Variants in CFAP47 observed in about 807,000 individuals in gnomAD.
CFAP47 encodes the protein cilia- and flagella-associated protein 47.
Under a neutral mutation model 148.1 loss-of-function variants are expected in CFAP47, and 29 were observed. The ratio of observed to expected loss-of-function variants is 0.20; its 90% CI spans 0.15 to 0.27. The LOEUF (loss-of-function observed/expected upper bound fraction) is 0.27, where lower values mean the gene tolerates loss of function less well. Ranked by LOEUF, CFAP47 falls within the 10% of genes least tolerant of loss-of-function variation. The pLI is 1.00. For missense variants in CFAP47, 1,872 were observed against 1,697.5 expected (o/e 1.10, Z -1.81); for synonymous variants, 664 against 577.3 (o/e 1.15, Z -2.15).
chrX:36,162,868 T>C (rs1939447037), intron 39 of CFAP47, among the ~76,000 whole-genome samples: 1 of 112,196 alleles, frequency 8.9e-6, no homozygotes, highest in African/African-American at 3.2e-5. Flanking sequence ...AATAGTGTAA[T>C]TGCCTTTTTC....
At chrX:36,227,931 G>C (rs1405692640) in intron 45 of CFAP47, among the ~76,000 whole-genome samples, 1 of 112,093 alleles carries the variant, frequency 8.9e-6, no homozygotes, top group African/African-American at 3.2e-5. Flanking sequence ...TGAAAGGAAA[G>C]AATGAGAATA....
intron 49 of CFAP47, among the ~76,000 whole-genome samples, chrX:36,261,151 A>T: frequency 1.1e-5 from 1 of 95,039 alleles, no homozygotes; most frequent in Admixed American, 1.2e-4. Flanking sequence ...TCCTTTTGCA[A>T]GTAATTTATT....
chrX:36,058,933 A>G (rs1347439709), intron 26 of CFAP47, among the ~76,000 whole-genome samples: 1 of 112,294 alleles, frequency 8.9e-6, no homozygotes, highest in African/African-American at 3.2e-5. Context: ...CTAATTTATA[A>G]TCAACAAATA....
intron 8 of CFAP47, among the ~76,000 whole-genome samples, chrX:35,959,309 T>C (rs1171239651): frequency 8.9e-6 from 1 of 112,274 alleles, no homozygotes; most frequent in Non-Finnish European, 1.9e-5. Flanking sequence ...TCACAAATAT[T>C]GTATTCCATC....
At chrX:36,019,640 C>A (rs377217284) in intron 22 of CFAP47, among the ~76,000 whole-genome samples, 105 of 111,622 alleles carry the variant, frequency 9.4e-4, no homozygotes, top group African/African-American at 3.3e-3. Flanking sequence ...CTGACTGAAC[C>A]CCAACATGGT....
intron 61 of CFAP47, among the ~76,000 whole-genome samples, chrX:36,366,604 G>T (rs1441987618): frequency 9.0e-6 from 1 of 110,524 alleles, no homozygotes; most frequent in African/African-American, 3.3e-5. Context: ...TATAAAACAT[G>T]GGTCTATTTT....
intron 39 of CFAP47, among the ~76,000 whole-genome samples, chrX:36,175,766 C>T (rs1283249232): frequency 8.8e-6 from 1 of 113,060 alleles, no homozygotes; most frequent in Non-Finnish European, 1.9e-5. Context: ...TGTCTGTGCC[C>T]TGCCCCCAGA....
At chrX:36,170,001 A>G in intron 39 of CFAP47, among the ~76,000 whole-genome samples, 1 of 111,904 alleles carries the variant, frequency 8.9e-6, no homozygotes, top group East Asian at 2.8e-4. Flanking sequence ...GTCCAATCTC[A>G]GTCTTTCCCT....
At chrX:36,049,216 G>C (rs1276995526) in intron 26 of CFAP47, among the ~76,000 whole-genome samples, 13 of 109,167 alleles carry the variant, frequency 1.2e-4, no homozygotes. Flanking sequence ...TTATAGAAGA[G>C]GAATCTAAGG....
intron 40 of CFAP47, among the ~76,000 whole-genome samples, chrX:36,179,705 A>G (rs1446010439): frequency 1.8e-5 from 2 of 111,743 alleles, no homozygotes; most frequent in Non-Finnish European, 3.8e-5. Context: ...ATACTGAACC[A>G]TTATTCCAAG....
chrX:35,930,712 A>G (rs1935814172), intron 2 of CFAP47, among the ~76,000 whole-genome samples: 2 of 111,516 alleles, frequency 1.8e-5, no homozygotes, highest in Admixed American at 1.9e-4. Flanking sequence ...TAAGTTGTCA[A>G]ATTTATGATT....
chrX:36,295,463 T>A (rs1271407757), intron 51 of CFAP47, among the ~76,000 whole-genome samples: 1 of 112,184 alleles, frequency 8.9e-6, no homozygotes, highest in Non-Finnish European at 1.9e-5. Context: ...AAACAATTAA[T>A]CTTGTTTTAA....
chrX:36,256,564 A>G (rs1940754945), intron 49 of CFAP47, among the ~76,000 whole-genome samples: 2 of 111,766 alleles, frequency 1.8e-5, no homozygotes, highest in Admixed American at 1.9e-4. Flanking sequence ...CTCTGTATGA[A>G]GACGTCATCA....
rs150580241 is a variant in CFAP47 at position 35,956,104 on chromosome X, T to C, written c.1318T>C (p.Cys440Arg). ...AATTCAGTGCATCATAAAAAATCAA[T>C]GCGAATTACTTCCTGTGACGTACCA... ...SEIQCIIKNQ[C>R]ELLPVTYHFK... The change falls in exon 8 of 64, where the codon TGC becomes CGC. Residue 440 changes from cysteine to arginine, a missense_variant. Physicochemically the swap from Cys to Arg is radical, Grantham distance 180 (BLOSUM62 -3). Coordinates refer to ENST00000378653, the MANE Select transcript of CFAP47 (RefSeq NM_001304548.2). The C allele has an allele frequency of 1.2e-4, 147 of 1,209,659 alleles. No individual in the cohort carries two copies. The highest frequency in any genetic ancestry group is 1.5e-4 in the Non-Finnish European group (130 of 895,034).
intron 33 of CFAP47, among the ~76,000 whole-genome samples, chrX:36,136,796 G>T (rs982380990): frequency 1.8e-5 from 2 of 111,566 alleles, no homozygotes; most frequent in Admixed American, 1.9e-4. Context: ...TCAGCCAACT[G>T]AATTTAAAAT....
In CFAP47 at chrX:36,093,401, A is replaced by G. The variant is rs143746767; in HGVS notation, c.4917-5392A>G. Among the ~76,000 whole-genome samples, 563 of 111,254 alleles carry G rather than the reference A, an allele frequency of 5.1e-3. 4 individuals are homozygous for G. Among genetic ancestry groups the G allele is most frequent in the African/African-American group, 0.016 (506 of 30,797 alleles). On this transcript the variant is annotated intron_variant, in intron 30 of 63. Coordinates refer to ENST00000378653, the MANE Select transcript of CFAP47 (RefSeq NM_001304548.2). ...AGTGTACAAAGGCTCCCTTTTCTCT[A>G]TATTCTCAGCAGCATTTGTTACTGC...
At chrX:36,347,511 C>A (rs1941707928) in intron 57 of CFAP47, among the ~76,000 whole-genome samples, 1 of 111,986 alleles carries the variant, frequency 8.9e-6, no homozygotes, top group Admixed American at 9.5e-5. Context: ...ATTCACAAAG[C>A]AAAGTCTTGG....
chrX:36,004,461 T>A (rs1327557976), intron 21 of CFAP47, among the ~76,000 whole-genome samples: 2 of 111,396 alleles, frequency 1.8e-5, no homozygotes, highest in Non-Finnish European at 3.8e-5. Flanking sequence ...ATGTGAATGC[T>A]CATAGCAGCA....
chrX:36,117,512 A>G (rs1276055231), intron 33 of CFAP47, among the ~76,000 whole-genome samples: 1 of 112,082 alleles, frequency 8.9e-6, no homozygotes, highest in African/African-American at 3.2e-5. Context: ...ATGATATTGA[A>G]CACATTTTCT....
Sources: gnomAD v4.1 joint callset for allele counts (sites outside exome capture counted in the v4.1 genomes callset) on GRCh38, gnomAD v4.1.1 for gene constraint, MANE v1.5 for transcripts, NCBI Gene and HGNC (gene_info 2026-07-23, HGNC 2026-07-21) for gene names.